RGPD4: variants seen among roughly 807,000 people sequenced by gnomAD.
The protein encoded by RGPD4 is RANBP2 like and GRIP domain containing 4, also known as ranBP2-like and GRIP domain-containing protein 4.
RGPD4 carries 84 observed loss-of-function variants against 141.1 expected under a neutral mutation model. That is an observed-to-expected ratio of 0.60 (90% CI 0.50 to 0.71). The LOEUF (loss-of-function observed/expected upper bound fraction) is 0.71. Among genes scored for constraint, RGPD4 ranks in the 30% least tolerant of loss-of-function variants. RGPD4 has a pLI of 0.00. For synonymous variants in RGPD4, 298 were observed against 566.8 expected (o/e 0.53, Z 6.74); for missense variants, 918 against 1,622.4 (o/e 0.57, Z 7.46).
intron 6 of RGPD4, among the ~76,000 whole-genome samples, chr2:107,844,823 C>CTTTTTTTT (rs1681859511): frequency 2.8e-4 from 15 of 53,822 alleles, no homozygotes; most frequent in African/African-American, 4.1e-4. Context: ...TTCTTTCTTT[C>CTTTTTTTT]TTTTTTGTTT....
At chr2:107,840,377 A>G (rs1478918317) in intron 4 of RGPD4, among the ~76,000 whole-genome samples, 6 of 152,306 alleles carry the variant, frequency 3.9e-5, no homozygotes, top group African/African-American at 1.4e-4. Context: ...CACTGGCGCA[A>G]TCTCGGCTCA....
At chr2:107,884,151 C>A (rs1239053389) in intron 22 of RGPD4, among the ~76,000 whole-genome samples, 1 of 151,824 alleles carries the variant, frequency 6.6e-6, no homozygotes, top group East Asian at 1.9e-4. Flanking sequence ...TGCTCTGTCA[C>A]CCTGGCTGGA....
chr2:107,889,099 G>A (rs864982), intron 22 of RGPD4, among the ~76,000 whole-genome samples: 14 of 148,290 alleles, frequency 9.4e-5, no homozygotes, highest in African/African-American at 1.3e-4. Flanking sequence ...GCTACTCTGC[G>A]TAAGGTCAAA....
intron 7 of RGPD4, among the ~76,000 whole-genome samples, chr2:107,851,236 C>T (rs946732964): frequency 3.4e-5 from 3 of 89,258 alleles, no homozygotes; most frequent in African/African-American, 1.5e-4. Flanking sequence ...AGCCTCAGCT[C>T]GGTAGCTGGG....
chr2:107,870,753 C>G lies in RGPD4; in HGVS notation c.2749C>G (p.Pro917Ala), dbSNP rs3868855. The G allele has an allele frequency of 6.2e-7, 1 of 1,610,182 alleles. No individual in the cohort carries two copies. Among genetic ancestry groups the G allele is most frequent in the Non-Finnish European group, 8.5e-7 (1 of 1,179,414 alleles). ...FKSTKEGFSI[P>A]VSADGFKFGI... ...GTCAACCAAAGAAGGATTTTCCATC[C>G]CTGTGTCTGCTGATGGATTTAAATT... The change falls in exon 20 of 23, where the codon CCT (proline) becomes GCT (alanine). Residue 917 changes from proline (P) to alanine (A), a missense_variant. Pro to Ala is a conservative substitution (Grantham distance 27, BLOSUM62 -1). Transcript: ENST00000408999.
intron 22 of RGPD4, among the ~76,000 whole-genome samples, chr2:107,888,853 G>C (rs1242865025): frequency 7.0e-6 from 1 of 143,878 alleles, no homozygotes; most frequent in Non-Finnish European, 1.5e-5. Context: ...CCAGCCTTCA[G>C]ATGAGACCCC....
chr2:107,859,654 C>A lies in RGPD4; in HGVS notation c.1635-68C>A, dbSNP rs1682468516. The A allele has an allele frequency of 2.5e-6, 4 of 1,611,150 alleles. No individual in the cohort carries two copies. The Admixed American group carries it at 6.7e-5, about 27-fold the overall frequency. On this transcript the variant is annotated intron_variant, in intron 11 of 22. Transcript: ENST00000408999. ...TTTAATTTGTCATGTGACCCATTAA[C>A]ATATATGTATGTAAGCGCTGAACTG...
intron 6 of RGPD4, among the ~76,000 whole-genome samples, chr2:107,846,336 G>A (rs985609128): frequency 4.6e-5 from 7 of 151,768 alleles, no homozygotes; most frequent in African/African-American, 1.7e-4. Flanking sequence ...AAAGTGCTGG[G>A]ATTGCAGGTC....
chr2:107,880,977 C>T (rs4123292), intron 21 of RGPD4, among the ~76,000 whole-genome samples: 19 of 151,752 alleles, frequency 1.3e-4, no homozygotes, highest in African/African-American at 1.7e-4. Context: ...GCTCTACATA[C>T]ATTATTTAAT....
At chr2:107,886,082 G>C (rs1170941892) in intron 22 of RGPD4, among the ~76,000 whole-genome samples, 2 of 143,154 alleles carry the variant, frequency 1.4e-5, no homozygotes, top group African/African-American at 5.2e-5. Flanking sequence ...TAAACTACAA[G>C]ATAGTTCAAA....
At chr2:107,849,754 G>A (rs1351458684) in intron 7 of RGPD4, among the ~76,000 whole-genome samples, 1 of 49,488 alleles carries the variant, frequency 2.0e-5, no homozygotes, top group Non-Finnish European at 4.0e-5. Context: ...CATTAAACCA[G>A]GCTTAGAAAA....
At chr2:107,829,904 CGGCGGA>C (rs948287369) in intron 1 of RGPD4, among the ~76,000 whole-genome samples, 1 of 151,898 alleles carries the variant, frequency 6.6e-6, no homozygotes, top group African/African-American at 2.4e-5. Flanking sequence ...TTATATGCTG[CGGCGGA>C]GGTCGTACCT....
chr2:107,881,349 G>A (rs1033739020), intron 21 of RGPD4, among the ~76,000 whole-genome samples: 17 of 150,086 alleles, frequency 1.1e-4, no homozygotes, highest in East Asian at 3.9e-4. Context: ...AGATAGTCTC[G>A]CTCTGTCACT....
intron 8 of RGPD4, 88 bp downstream of exon 8, chr2:107,854,731 G>T: frequency 1.3e-6 from 2 of 1,556,364 alleles, no homozygotes; most frequent in Admixed American, 3.9e-5. Flanking sequence ...CATCTGTCCA[G>T]GAGATAATTT....
At chr2:107,889,063 G>A (rs1031340821) in intron 22 of RGPD4, among the ~76,000 whole-genome samples, 2 of 150,024 alleles carry the variant, frequency 1.3e-5, no homozygotes, top group Non-Finnish European at 2.9e-5. Flanking sequence ...ACTCTAGAAA[G>A]TTTCCCCATG....
Position 107,872,648 on chromosome 2 carries a change from A to C in RGPD4, c.4644A>C (p.Arg1548Ser), listed in dbSNP as rs2556256. Residue 1548 changes from arginine (R) to serine (S), a missense_variant, in exon 20 of 23, where the codon AGA becomes AGC. By Grantham distance (110) the Arg-to-Ser change is moderately radical. Coordinates refer to ENST00000408999, the MANE Select transcript of RGPD4 (RefSeq NM_182588.3). ...KFVFGSESVK[R>S]IFSSEKSKPF... The stretch of plus-strand genomic sequence containing the variant: ...TATTTGGTTCAGAGTCTGTTAAAAG[A>C]ATTTTTAGTAGTGAAAAATCAAAAC... 58 of 1,609,862 alleles carry C rather than the reference A, an allele frequency of 3.6e-5. No homozygotes were observed. The highest frequency in any genetic ancestry group is 2.7e-4 in the East Asian group (12 of 44,828).
intron 6 of RGPD4, among the ~76,000 whole-genome samples, chr2:107,846,477 T>C (rs576534654): frequency 6.6e-6 from 1 of 151,804 alleles, no homozygotes; most frequent in East Asian, 1.9e-4. Context: ...TTATAGCTTT[T>C]TTTTTTGAGA....
rs1433250571 is a variant in RGPD4, at chr2:107,862,824, C to T, written c.2348C>T (p.Pro783Leu). The T allele has an allele frequency of 1.3e-6, 2 of 1,529,492 alleles. No homozygotes were observed. The highest frequency in any genetic ancestry group is 1.8e-5 in the Admixed American group (1 of 54,374). 94.7% of individuals were successfully genotyped at this position (1,529,492 alleles called of 1,614,324 possible). A position where few individuals can be genotyped will look rare whatever the true frequency, so the allele number is the denominator to read the frequency against. ...GAAATAAAACATTCTACACCATCTC[C>T]TACCAAATATTCACTATCACCAAGT... ...DSEIKHSTPSPTKYSLSPSKS... is the reference protein window; with the variant it reads ...DSEIKHSTPSLTKYSLSPSKS... Residue 783 changes from proline to leucine, a missense_variant, in exon 16 of 23, where the codon CCT (proline) becomes CTT (leucine). Physicochemically the swap from Pro to Leu is moderately conservative, Grantham distance 98. Transcript: ENST00000408999.
chr2:107,827,114 C>G, intron 1 of RGPD4, 29 bp downstream of exon 1: 3 of 1,568,662 alleles, frequency 1.9e-6, no homozygotes, highest in Non-Finnish European at 2.6e-6. Context: ...GACCGACGGC[C>G]TCGACCTGGC....
Sources: gnomAD v4.1 joint callset for allele counts (sites outside exome capture counted in the v4.1 genomes callset) on GRCh38, gnomAD v4.1.1 for gene constraint, MANE v1.5 for transcripts, NCBI Gene and HGNC (gene_info 2026-07-23, HGNC 2026-07-21) for gene names.